PHACTR1: variants seen among roughly 807,000 people sequenced by gnomAD.
PHACTR1 encodes the protein phosphatase and actin regulator 1, also known as RPEL repeat containing 1.
Under a neutral mutation model 69.2 loss-of-function variants are expected in PHACTR1, and 16 were observed. That is an observed-to-expected ratio of 0.23 (90% CI 0.16 to 0.35). The LOEUF is 0.35. Among genes scored for constraint, PHACTR1 ranks in the 10% least tolerant of loss-of-function variants. The pLI, the probability that PHACTR1 is intolerant of heterozygous loss-of-function variation, is 1.00. For missense variants in PHACTR1, 510 were observed against 734.7 expected (o/e 0.69, Z 3.54); for synonymous variants, 312 against 284.5 (o/e 1.10, Z -0.97).
chr6:12,773,957 A>G (rs1031189385), intron 4 of PHACTR1, among the ~76,000 whole-genome samples: 8 of 152,352 alleles, frequency 5.3e-5, no homozygotes, highest in Non-Finnish European at 1.0e-4. Flanking sequence ...CTAAACTCCA[A>G]CAACAGTTTC....
At chr6:13,041,339 T>TACACACACACACACACAC (rs368368056) in intron 4 of PHACTR1, among the ~76,000 whole-genome samples, 134 of 135,452 alleles carry the variant, frequency 9.9e-4, no homozygotes, top group East Asian at 2.3e-3. Flanking sequence ...TTAAAATACA[T>TACACACACACACACACAC]ACACACACAC....
At chr6:12,932,253 C>G (rs1562024755) in intron 4 of PHACTR1, among the ~76,000 whole-genome samples, 1 of 152,136 alleles carries the variant, frequency 6.6e-6, no homozygotes, top group Non-Finnish European at 1.5e-5. Context: ...CTGGATCTCA[C>G]AAGAACAGAC....
chr6:12,928,674 G>A (rs1397253016), intron 4 of PHACTR1, among the ~76,000 whole-genome samples: 2 of 127,784 alleles, frequency 1.6e-5, no homozygotes, highest in African/African-American at 6.0e-5. Flanking sequence ...TGTCCTATGT[G>A]GCAGGCATCG....
chr6:13,132,522 G>A (rs370192072), intron 5 of PHACTR1, among the ~76,000 whole-genome samples: 41 of 152,240 alleles, frequency 2.7e-4, no homozygotes, highest in African/African-American at 9.4e-4. Flanking sequence ...ACATAGTGAT[G>A]GTGATTCCTA....
intron 4 of PHACTR1, among the ~76,000 whole-genome samples, chr6:13,010,771 A>G (rs1268003678): frequency 6.6e-6 from 1 of 152,070 alleles, no homozygotes; most frequent in African/African-American, 2.4e-5. Flanking sequence ...GCTAAGTGAC[A>G]CTGAGCGTGA....
intron 3 of PHACTR1, among the ~76,000 whole-genome samples, chr6:12,724,379 G>A (rs1346093054): frequency 6.6e-6 from 1 of 152,096 alleles, no homozygotes; most frequent in East Asian, 1.9e-4. Context: ...TGTATCAAGG[G>A]CTGCCCCTTG....
intron 5 of PHACTR1, among the ~76,000 whole-genome samples, chr6:13,071,056 T>C (rs1809442878): frequency 6.6e-6 from 1 of 152,142 alleles, no homozygotes; most frequent in Admixed American, 6.6e-5. Context: ...TTCTTCTTTT[T>C]GTTACCCTGA....
At chr6:13,270,526 A>G (rs1260616650) in intron 10 of PHACTR1, among the ~76,000 whole-genome samples, 2 of 152,190 alleles carry the variant, frequency 1.3e-5, no homozygotes, top group African/African-American at 4.8e-5. Flanking sequence ...AAGTAACAAA[A>G]TACACTCCTG....
At chr6:13,131,750 T>G (rs941447468) in intron 5 of PHACTR1, among the ~76,000 whole-genome samples, 1 of 152,232 alleles carries the variant, frequency 6.6e-6, no homozygotes, top group Admixed American at 6.5e-5. Context: ...AAAATATTTT[T>G]AAAGCTTGCT....
intron 5 of PHACTR1, among the ~76,000 whole-genome samples, chr6:13,134,318 C>T (rs1821164349): frequency 6.6e-6 from 1 of 152,212 alleles, no homozygotes; most frequent in Non-Finnish European, 1.5e-5. Flanking sequence ...TGAGAAGGGT[C>T]CATGATGACG....
intron 4 of PHACTR1, among the ~76,000 whole-genome samples, chr6:13,043,436 A>G (rs1321105275): frequency 3.3e-5 from 5 of 151,972 alleles, no homozygotes; most frequent in Non-Finnish European, 5.9e-5. Flanking sequence ...CAAAAAAAAA[A>G]GGCGGGTGGG....
intron 4 of PHACTR1, among the ~76,000 whole-genome samples, chr6:12,989,388 TA>T (rs1477472665): frequency 6.6e-6 from 1 of 152,104 alleles, no homozygotes; most frequent in Non-Finnish European, 1.5e-5. Flanking sequence ...TAACTTTGGG[TA>T]GTCAAGAAAG....
chr6:12,780,281 GTGTGTGTC>G (rs1214504710), intron 4 of PHACTR1, among the ~76,000 whole-genome samples: 2 of 137,142 alleles, frequency 1.5e-5, no homozygotes, highest in Non-Finnish European at 1.7e-5. Context: ...GTGTGTGTGT[GTGTGTGTC>G]AGAGAGAGAA....
At chr6:13,102,022 A>G (rs114537662) in intron 5 of PHACTR1, among the ~76,000 whole-genome samples, 2,401 of 152,300 alleles carry the variant, frequency 0.016, 52 homozygotes, top group African/African-American at 0.051. Flanking sequence ...AGTTACCCCA[A>G]AAATTATCTG....
chr6:13,217,403 C>T (rs1767850387), intron 8 of PHACTR1, among the ~76,000 whole-genome samples: 2 of 152,202 alleles, frequency 1.3e-5, no homozygotes, highest in Admixed American at 1.3e-4. Flanking sequence ...GAACACTCAC[C>T]AGCGTCTAGG....
At chr6:13,012,710 A>T (rs181097166) in intron 4 of PHACTR1, among the ~76,000 whole-genome samples, 1 of 152,340 alleles carries the variant, frequency 6.6e-6, no homozygotes, top group Admixed American at 6.5e-5. Context: ...ACACAAGGTG[A>T]TTGTGATATA....
intron 5 of PHACTR1, among the ~76,000 whole-genome samples, chr6:13,077,014 CGCACCA>C (rs1561795698): frequency 6.7e-6 from 1 of 149,924 alleles, no homozygotes; most frequent in Non-Finnish European, 1.5e-5. Flanking sequence ...GTGGGTGCAG[CGCACCA>C]GCATGGCACA....
intron 4 of PHACTR1, among the ~76,000 whole-genome samples, chr6:13,021,539 T>C (rs1160359603): frequency 6.6e-6 from 1 of 152,242 alleles, no homozygotes; most frequent in Non-Finnish European, 1.5e-5. Context: ...TGTATGTACC[T>C]GGGAGTAGAA....
intron 10 of PHACTR1, among the ~76,000 whole-genome samples, chr6:13,256,709 A>G (rs751998515): frequency 2.0e-5 from 3 of 152,252 alleles, no homozygotes; most frequent in Non-Finnish European, 4.4e-5. Context: ...TTACTAAAGC[A>G]TAACAGAAGT....
Sources: gnomAD v4.1 joint callset for allele counts (sites outside exome capture counted in the v4.1 genomes callset) on GRCh38, gnomAD v4.1.1 for gene constraint, MANE v1.5 for transcripts, NCBI Gene and HGNC (gene_info 2026-07-23, HGNC 2026-07-21) for gene names.